Variants in TSHZ3 observed in about 807,000 individuals in gnomAD.
TSHZ3 encodes teashirt zinc finger homeobox 3.
TSHZ3 carries 10 observed loss-of-function variants against 64.5 expected under a neutral mutation model. The ratio of observed to expected loss-of-function variants is 0.16; its 90% CI spans 0.10 to 0.26. The LOEUF (loss-of-function observed/expected upper bound fraction) is 0.26, where lower values mean the gene tolerates loss of function less well. Ranked by LOEUF, TSHZ3 falls within the 10% of genes least tolerant of loss-of-function variation. The pLI, the probability that TSHZ3 is intolerant of heterozygous loss-of-function variation, is 1.00. For missense variants in TSHZ3, 1,242 were observed against 1,421.7 expected, an observed-to-expected ratio of 0.87 and a Z score of 2.03; for synonymous variants, 608 against 593.1, an observed-to-expected ratio of 1.03 and a Z score of -0.36.
intron 1 of TSHZ3, among the ~76,000 whole-genome samples, chr19:31,309,547 T>G (rs1171674850): frequency 6.6e-6 from 1 of 152,104 alleles, no homozygotes; most frequent in African/African-American, 2.4e-5. Context: ...AACCATCAAG[T>G]CAGCAAGAAC....
In TSHZ3 at chr19:31,277,740, C is replaced by G. The variant is rs141310391; in HGVS notation, c.2053G>C (p.Ala685Pro). 1.3e-6 allele frequency: 2 copies of G among 1,522,076 alleles called. No homozygotes were observed. Among genetic ancestry groups the G allele is most frequent in the Admixed American group, 2.2e-5 (1 of 44,820 alleles). 94.3% of individuals were successfully genotyped at this position (1,522,076 alleles called of 1,614,324 possible). A position where few individuals can be genotyped will look rare whatever the true frequency, so the allele number is the denominator to read the frequency against. ...RDGCKDGSPL[A>P]EPVENGKELV... ...TCCTTGCCATTCTCCACCGGCTCAG[C>G]GAGGGGGCTCCCATCCTTGCACCCA... The change falls in exon 2 of 2, where the codon GCT (alanine) becomes CCT (proline). Residue 685 changes from alanine (A) to proline (P), a missense_variant. Around this residue, in one of 4 missense-constraint regions of TSHZ3, gnomAD observed 550 missense variants for 545.1 expected, o/e 1.01. Transcript: ENST00000240587. This position sits in a 1 kb window ranked among gnomAD's most constrained non-coding sequence, Gnocchi z 4.5.
downstream of TSHZ3, among the ~76,000 whole-genome samples, chr19:31,269,956 G>A (rs964721991): frequency 6.6e-6 from 1 of 152,162 alleles, no homozygotes. Flanking sequence ...CTGTCTCCAA[G>A]TCATTGGGTG....
At chr19:31,313,159 G>A (rs373952291) in intron 1 of TSHZ3, among the ~76,000 whole-genome samples, 14 of 152,088 alleles carry the variant, frequency 9.2e-5, no homozygotes, top group African/African-American at 3.1e-4. Flanking sequence ...GAGACTCTGC[G>A]GGAAGCCCCA....
At chr19:31,322,035 A>G (rs10401131) in intron 1 of TSHZ3, among the ~76,000 whole-genome samples, 94,728 of 151,948 alleles carry the variant, frequency 0.62, 30,094 homozygotes, top group East Asian at 0.84. Flanking sequence ...CTGTGTCCAT[A>G]TGTTCTCATT....
At chr19:31,311,225 G>GA (rs1181019329) in intron 1 of TSHZ3, among the ~76,000 whole-genome samples, 1 of 152,242 alleles carries the variant, frequency 6.6e-6, no homozygotes, top group Non-Finnish European at 1.5e-5. Context: ...AGTTGGGATG[G>GA]AGGGGTCTGA....
At chr19:31,321,545 A>G (rs1040606004) in intron 1 of TSHZ3, among the ~76,000 whole-genome samples, 5 of 152,312 alleles carry the variant, frequency 3.3e-5, no homozygotes, top group Admixed American at 1.3e-4. Context: ...GTGTCTGCAT[A>G]CGGCAGACTC....
At chr19:31,154,933 TC>T (rs1245454994) in intron 6 of TSHZ3, among the ~76,000 whole-genome samples, 5 of 152,258 alleles carry the variant, frequency 3.3e-5, no homozygotes, top group Admixed American at 6.5e-5. Flanking sequence ...CATTTTGTCC[TC>T]ATGGCCGTGG....
intron 1 of TSHZ3, among the ~76,000 whole-genome samples, chr19:31,300,439 C>T (rs1410115415): frequency 1.3e-5 from 2 of 152,142 alleles, no homozygotes; most frequent in African/African-American, 2.4e-5. Flanking sequence ...TAATTGAACA[C>T]AAATTTTTTT....
chr19:31,216,253 G>T (rs772485743), intron 4 of TSHZ3, among the ~76,000 whole-genome samples: 9 of 152,000 alleles, frequency 5.9e-5, no homozygotes, highest in Non-Finnish European at 1.2e-4. Context: ...CTTTTTGGGG[G>T]GGCTCCCAGC....
intron 4 of TSHZ3, among the ~76,000 whole-genome samples, chr19:31,227,960 C>T (rs966768307): frequency 2.0e-5 from 3 of 152,052 alleles, no homozygotes; most frequent in African/African-American, 7.3e-5. Flanking sequence ...TTCCTTCCCT[C>T]CATCCACACG....
At chr19:31,333,030 A>C (rs1452439031) in intron 1 of TSHZ3, among the ~76,000 whole-genome samples, 2 of 151,840 alleles carry the variant, frequency 1.3e-5, no homozygotes, top group Non-Finnish European at 2.9e-5. Flanking sequence ...GTCTGAGCCC[A>C]AGGAGGTCGA....
chr19:31,160,717 T>TACACATACACACACGTATAC (rs1433824015), intron 5 of TSHZ3, among the ~76,000 whole-genome samples: 2 of 151,712 alleles, frequency 1.3e-5, no homozygotes, highest in Non-Finnish European at 2.9e-5. Context: ...CACACGTATA[T>TACACATACACACACGTATAC]ACACATACAC....
chr19:31,194,018 G>C (rs1401228805), intron 5 of TSHZ3, among the ~76,000 whole-genome samples: 1 of 152,108 alleles, frequency 6.6e-6, no homozygotes, highest in Non-Finnish European at 1.5e-5. Flanking sequence ...GAGTTCACAG[G>C]ACAAATCACC....
chr19:31,276,400 C>A lies in TSHZ3; in HGVS notation c.*147G>T. Reference sequence around the variant, plus strand: ...TTATGCACCTCTATTAAACACTGTACAGTTATACAAAACAGTCCAGCCCAG... The same window carrying A: ...TTATGCACCTCTATTAAACACTGTAAAGTTATACAAAACAGTCCAGCCCAG... On this transcript the variant is annotated 3_prime_UTR_variant, in exon 2 of 2. Transcript: ENST00000240587. 1.4e-6 allele frequency: 1 copy of A among 738,392 alleles called. No individual in the cohort carries two copies. 45.7% of individuals were successfully genotyped at this position (738,392 alleles called of 1,614,324 possible). A position where few individuals can be genotyped will look rare whatever the true frequency, so the allele number is the denominator to read the frequency against.
chr19:31,208,602 A>G (rs1334066836), intron 4 of TSHZ3, among the ~76,000 whole-genome samples: 1 of 152,250 alleles, frequency 6.6e-6, no homozygotes, highest in African/African-American at 2.4e-5. Context: ...CCTAACTTGC[A>G]GGGTCCTTAT....
chr19:31,330,714 G>T (rs984610004), intron 1 of TSHZ3, among the ~76,000 whole-genome samples: 64 of 151,672 alleles, frequency 4.2e-4, no homozygotes, highest in Non-Finnish European at 7.8e-4. Context: ...TTGGGCGGGG[G>T]GAGGAAAGTC....
At chr19:31,247,807 T>C (rs1975776931) in intron 1 of TSHZ3, among the ~76,000 whole-genome samples, 1 of 152,198 alleles carries the variant, frequency 6.6e-6, no homozygotes, top group Non-Finnish European at 1.5e-5. Flanking sequence ...CTGCAGTTAA[T>C]TCTCCAATGG....
At chr19:31,244,554 A>G (rs1454826592) in intron 1 of TSHZ3, among the ~76,000 whole-genome samples, 1 of 152,374 alleles carries the variant, frequency 6.6e-6, no homozygotes, top group East Asian at 1.9e-4. Flanking sequence ...AAAGTATATC[A>G]GTATAAAATT....
At chr19:31,323,115 A>G (rs1410743621) in intron 1 of TSHZ3, among the ~76,000 whole-genome samples, 2 of 152,186 alleles carry the variant, frequency 1.3e-5, no homozygotes, top group Non-Finnish European at 2.9e-5. Context: ...TTTCTCTCAC[A>G]TGAAAATGTT....
Sources: gnomAD v4.1 joint callset for allele counts (sites outside exome capture counted in the v4.1 genomes callset) on GRCh38, gnomAD v4.1.1 for gene constraint, gnomAD v4.1.1 regional missense constraint, Gnocchi (gnomAD v3.1) non-coding constraint, MANE v1.5 for transcripts, NCBI Gene and HGNC (gene_info 2026-07-23, HGNC 2026-07-21) for gene names.